The following PLCH1 variants were observed in gnomAD, a reference collection of about 807,000 sequenced individuals.
PLCH1 encodes the protein phospholipase C eta 1.
Under a neutral mutation model 126.7 loss-of-function variants are expected in PLCH1, and 60 were observed. The observed-to-expected ratio is 0.47, with a 90% CI of 0.38 to 0.59. The LOEUF (loss-of-function observed/expected upper bound fraction) is 0.59. Ranked by LOEUF, PLCH1 falls within the 20% of genes least tolerant of loss-of-function variation. The pLI is 0.00. For synonymous variants in PLCH1, 719 were observed against 734.9 expected, an observed-to-expected ratio of 0.98 and a Z score of 0.35; for missense variants, 1,723 against 2,040.0, an observed-to-expected ratio of 0.84 and a Z score of 2.99.
chr3:155,500,918 C>A (rs1047402838), intron 13 of PLCH1, 124 bp from the exon 14 acceptor site: 6 of 654,166 alleles, frequency 9.2e-6, no homozygotes, highest in Non-Finnish European at 1.1e-5. Flanking sequence ...GAGAAAATGA[C>A]CAAATATTGC....
intron 12 of PLCH1, 26 bp from the exon 13 acceptor site, chr3:155,504,652 CTATT>C: frequency 3.5e-6 from 5 of 1,438,628 alleles, no homozygotes; most frequent in Non-Finnish European, 4.9e-6. Flanking sequence ...CATAATATAA[CTATT>C]TATCTTCTTT....
At chr3:155,741,172 A>C (rs551689467) in intron 1 of PLCH1, among the ~76,000 whole-genome samples, 1 of 152,300 alleles carries the variant, frequency 6.6e-6, no homozygotes, top group Non-Finnish European at 1.5e-5. Flanking sequence ...TTTCTCCTTA[A>C]ACAAAAATGG....
chr3:155,526,019 G>A (rs1472510969), intron 10 of PLCH1, among the ~76,000 whole-genome samples: 2 of 152,188 alleles, frequency 1.3e-5, no homozygotes, highest in African/African-American at 4.8e-5. Flanking sequence ...TTCGAGGGCA[G>A]CTATCTGTAT....
intron 1 of PLCH1, among the ~76,000 whole-genome samples, chr3:155,738,787 CAA>C (rs34836979): frequency 1.9e-4 from 23 of 119,686 alleles, no homozygotes; most frequent in Admixed American, 3.5e-4. Context: ...ACTCCACCTC[CAA>C]AAAAAAAAAA....
chr3:155,714,542 A>G (rs918123821), intron 1 of PLCH1, among the ~76,000 whole-genome samples: 3 of 152,338 alleles, frequency 2.0e-5, no homozygotes, highest in Admixed American at 2.0e-4. Flanking sequence ...AGGGAAAGAA[A>G]TAAAAGGGTA....
At chr3:155,529,554 C>T (rs1471688572) in intron 10 of PLCH1, among the ~76,000 whole-genome samples, 1 of 151,968 alleles carries the variant, frequency 6.6e-6, no homozygotes, top group Non-Finnish European at 1.5e-5. Flanking sequence ...ATACTGTAGC[C>T]TATTAAGTGT....
Position 155,637,721 on chromosome 3 carries a change from T to C in PLCH1, c.80-41343A>G, listed in dbSNP as rs577332680. ...ATTAGGAAATGACCTTAGCCACAAT[T>C]ATCATACATCAATAACACTTTCCCA... On this transcript the variant is annotated intron_variant, in intron 2 of 22. Coordinates refer to ENST00000460012, the MANE Select transcript of PLCH1 (RefSeq NM_014996.4). Among the ~76,000 whole-genome samples, 5 of 152,270 alleles carry C rather than the reference T, an allele frequency of 3.3e-5. No individual in the cohort carries two copies. In the South Asian group the frequency reaches 1.0e-3, roughly 32 times the overall value.
At chr3:155,654,542 C>T (rs946740030) in intron 2 of PLCH1, among the ~76,000 whole-genome samples, 3 of 152,112 alleles carry the variant, frequency 2.0e-5, no homozygotes, top group East Asian at 3.9e-4. Flanking sequence ...CTTCCTCTCT[C>T]GGGCCTCTCC....
chr3:155,569,057 C>T (rs1181678866), intron 6 of PLCH1, among the ~76,000 whole-genome samples: 1 of 151,982 alleles, frequency 6.6e-6, no homozygotes, highest in African/African-American at 2.4e-5. Context: ...ACCAAAAAGG[C>T]AGTATATGCT....
rs1379254261 is a variant in PLCH1, at chr3:155,652,189, G to A, written c.79+51957C>T. 2.6e-5 allele frequency among the ~76,000 whole-genome samples: 4 copies of A among 152,150 alleles called. No individual in the cohort carries two copies. The East Asian group carries it at 5.8e-4, about 22-fold the overall frequency. ...GGAGAGTTTTGACAGTGGGAAGCCC[G>A]TTAACTTTAATCACTCATGCTACTG... On this transcript the variant is annotated intron_variant, in intron 2 of 22. Transcript: ENST00000460012.
At chr3:155,610,190 T>C (rs1300862266) in intron 2 of PLCH1, among the ~76,000 whole-genome samples, 2 of 151,746 alleles carry the variant, frequency 1.3e-5, no homozygotes, top group Non-Finnish European at 1.5e-5. Context: ...TGAAACCCCA[T>C]TTCTAATAAA....
chr3:155,512,124 TC>T (rs1156486637), intron 12 of PLCH1, among the ~76,000 whole-genome samples: 1 of 151,000 alleles, frequency 6.6e-6, no homozygotes, highest in Non-Finnish European at 1.5e-5. Flanking sequence ...TCCAGGTGCG[TC>T]CGTCACCCCT....
chr3:155,649,064 AAAGT>A (rs1740382431), intron 2 of PLCH1, among the ~76,000 whole-genome samples: 2 of 152,104 alleles, frequency 1.3e-5, no homozygotes, highest in Non-Finnish European at 2.9e-5. Flanking sequence ...GCCTTTTCTA[AAAGT>A]AAGCCTGGCT....
chr3:155,607,624 T>C (rs1182788473), intron 2 of PLCH1, among the ~76,000 whole-genome samples: 1 of 152,058 alleles, frequency 6.6e-6, no homozygotes, highest in Non-Finnish European at 1.5e-5. Flanking sequence ...TATTTTTTCA[T>C]AAAAACAGGG....
intron 1 of PLCH1, among the ~76,000 whole-genome samples, chr3:155,734,715 T>C (rs1407748857): frequency 3.3e-5 from 5 of 150,342 alleles, no homozygotes; most frequent in Non-Finnish European, 5.9e-5. Flanking sequence ...TTTTTCTTTT[T>C]TTTTTTTTTT....
intron 2 of PLCH1, among the ~76,000 whole-genome samples, chr3:155,628,019 G>A (rs544335520): frequency 2.6e-5 from 4 of 151,910 alleles, no homozygotes; most frequent in East Asian, 3.9e-4. Flanking sequence ...CACCCCCTTC[G>A]GGCTCCCAAA....
At chr3:155,565,162 T>C (rs1371821684) in intron 7 of PLCH1, 44 bp from the exon 8 acceptor site, 1 of 1,353,496 alleles carries the variant, frequency 7.4e-7, no homozygotes, top group Non-Finnish European at 1.1e-6. Flanking sequence ...TCAAAGCATA[T>C]ATACTTAATG....
intron 1 of PLCH1, among the ~76,000 whole-genome samples, chr3:155,715,508 T>C (rs1747435693): frequency 6.6e-6 from 1 of 152,050 alleles, no homozygotes; most frequent in Non-Finnish European, 1.5e-5. Context: ...TTTCGTCAGG[T>C]TGCCCAGCCT....
intron 12 of PLCH1, among the ~76,000 whole-genome samples, chr3:155,506,343 C>G (rs2108180801): frequency 7.7e-6 from 1 of 130,274 alleles, no homozygotes; most frequent in East Asian, 2.3e-4. Context: ...CATTCTCACT[C>G]TCTTTTTTTT....
Sources: gnomAD v4.1 joint callset for allele counts (sites outside exome capture counted in the v4.1 genomes callset) on GRCh38, gnomAD v4.1.1 for gene constraint, MANE v1.5 for transcripts, NCBI Gene and HGNC (gene_info 2026-07-23, HGNC 2026-07-21) for gene names.